PCNX2: variants seen among roughly 807,000 people sequenced by gnomAD.
PCNX2 encodes the protein pecanex 2, also known as pecanex-like protein 2.
A neutral mutation model predicts 223.8 loss-of-function variants in PCNX2; 168 were observed. The ratio of observed to expected loss-of-function variants is 0.75; its 90% confidence interval spans 0.66 to 0.85. The LOEUF (loss-of-function observed/expected upper bound fraction) is 0.85, where lower values mean the gene tolerates loss of function less well. PCNX2 is among the 40% of genes least tolerant of loss of function. PCNX2 has a pLI of 0.00. For synonymous variants in PCNX2, 1,006 were observed against 1,052.6 expected (o/e 0.96, Z 0.86); for missense variants, 2,507 against 2,675.5 (o/e 0.94, Z 1.39).
chr1:233,265,134 TG>T (rs1168364321), intron 1 of PCNX2, among the ~76,000 whole-genome samples: 1 of 151,842 alleles, frequency 6.6e-6, no homozygotes, highest in East Asian at 1.9e-4. Flanking sequence ...TCCTTGCTAC[TG>T]GGGAGGCTGA....
Position 233,023,832 on chromosome 1 carries a change from T to C in PCNX2, c.4605+1314A>G, listed in dbSNP as rs147174244. On this transcript the variant is annotated intron_variant, in intron 26 of 33. Transcript: ENST00000258229. ...CCACAGAAAAGGGTTTTGCAAACAT[T>C]TTGTGTAGCAATCACCTAGGGGATG... Among the ~76,000 whole-genome samples, 363 of 152,304 alleles carry C rather than the reference T, an allele frequency of 2.4e-3. 2 individuals are homozygous for C. The highest frequency in any genetic ancestry group is 6.8e-3 in the Middle Eastern group (2 of 294).
At position 233,054,278 on chromosome 1, in the gene PCNX2, C is replaced by T; in HGVS notation, c.4341G>A (p.Leu1447=). The change falls in exon 25 of 34, where the codon CTG becomes CTA. Residue 1447 remains leucine (L), a synonymous_variant. Coordinates refer to ENST00000258229, the MANE Select transcript of PCNX2 (RefSeq NM_014801.4). Reference sequence around the variant, plus strand: ...TGAAGAAATTCTTACCTCGGAATTCCAGTCCTCGAAGTTGAAAGGTGACAA... The same window carrying T: ...TGAAGAAATTCTTACCTCGGAATTCTAGTCCTCGAAGTTGAAAGGTGACAA... ...NGLVTFQLRG[L]EFRGTYCQQR... is the part of the protein sequence containing the mutation. The T allele has an allele frequency of 6.2e-7, 1 of 1,613,192 alleles. No individual in the cohort carries two copies. The highest frequency in any genetic ancestry group is 8.5e-7 in the Non-Finnish European group (1 of 1,179,462).
In PCNX2 at chr1:233,126,682, T is replaced by G. The variant is rs78350738; in HGVS notation, c.3837+8331A>C. On this transcript the variant is annotated intron_variant, in intron 21 of 33. Coordinates refer to ENST00000258229, the MANE Select transcript of PCNX2 (RefSeq NM_014801.4). This position sits in a 1 kb window ranked among gnomAD's most constrained non-coding sequence, Gnocchi z 4.8. ...CATTGCTTTTCTAATTTTATCATGA[T>G]AAGAATATATTTAGGTATTACTTAA... is the stretch of plus-strand genomic sequence containing the variant. 0.053 allele frequency among the ~76,000 whole-genome samples: 8,102 copies of G among 152,244 alleles called. 352 individuals carry two copies. Among genetic ancestry groups the G allele is most frequent in the African/African-American group, 0.13 (5,349 of 41,522 alleles).
At chr1:233,276,540 G>A (rs758271069) in intron 1 of PCNX2, among the ~76,000 whole-genome samples, 1 of 152,054 alleles carries the variant, frequency 6.6e-6, no homozygotes, top group Non-Finnish European at 1.5e-5. Flanking sequence ...TTTGGATTAC[G>A]CATGACATTT....
At chr1:233,276,444 T>A (rs561920894) in intron 1 of PCNX2, among the ~76,000 whole-genome samples, 275 of 152,344 alleles carry the variant, frequency 1.8e-3, no homozygotes, top group Non-Finnish European at 3.1e-3. Context: ...GTTGCTCAAC[T>A]GTACACTTAA....
intron 23 of PCNX2, among the ~76,000 whole-genome samples, chr1:233,077,657 C>G (rs185647171): frequency 8.3e-4 from 127 of 152,260 alleles, no homozygotes; most frequent in African/African-American, 3.0e-3. Flanking sequence ...GCTCCAACTA[C>G]GCAACCTCTA....
At chr1:233,127,679 T>C (rs1043320729) in intron 21 of PCNX2, among the ~76,000 whole-genome samples, 12 of 152,308 alleles carry the variant, frequency 7.9e-5, no homozygotes, top group Non-Finnish European at 1.5e-4. Context: ...TTTCTGGCAA[T>C]TCACTTAATT....
intron 23 of PCNX2, among the ~76,000 whole-genome samples, chr1:233,071,850 A>C (rs7535184): frequency 0.27 from 40,497 of 152,108 alleles, 7,020 homozygotes; most frequent in African/African-American, 0.49. Flanking sequence ...GACTAGTGTG[A>C]GATGGTACTT....
In PCNX2 at chr1:233,295,544, G is replaced by C. The variant is rs566603853; in HGVS notation, c.-66C>G. The C allele has an allele frequency of 6.9e-7, 1 of 1,445,082 alleles. No homozygotes were observed. The allele number at this position is 1,445,082 out of a possible 1,614,324, so 89.5% of individuals were successfully genotyped here. Reference sequence around the variant, plus strand: ...CTGCGCGCCCCGGCCGGATCTCCAGGCTCCCTCAGGTCTAACACCCGGGCC... The same window carrying C: ...CTGCGCGCCCCGGCCGGATCTCCAGCCTCCCTCAGGTCTAACACCCGGGCC... On this transcript the variant is annotated 5_prime_UTR_variant, in exon 1 of 34. Transcript: ENST00000258229. This position sits in a 1 kb window ranked among gnomAD's most constrained non-coding sequence, Gnocchi z 4.1.
At chr1:233,108,734 G>C (rs1057014448) in intron 21 of PCNX2, among the ~76,000 whole-genome samples, 1 of 152,176 alleles carries the variant, frequency 6.6e-6, no homozygotes, top group African/African-American at 2.4e-5. Flanking sequence ...TGGGAGGGAA[G>C]GGATTGTTTA....
At chr1:233,024,353 C>A (rs1290693582) in intron 26 of PCNX2, among the ~76,000 whole-genome samples, 1 of 152,206 alleles carries the variant, frequency 6.6e-6, no homozygotes, top group African/African-American at 2.4e-5. Context: ...TGGCCTCCGA[C>A]GGATGAGCTT....
At chr1:233,167,336 A>AAGAGAGAG (rs71821384) in intron 17 of PCNX2, among the ~76,000 whole-genome samples, 1 of 148,986 alleles carries the variant, frequency 6.7e-6, no homozygotes. Context: ...GTAGAATCTA[A>AAGAGAGAG]AGAGAGAGAG....
chr1:233,076,835 T>C (rs764590013), intron 23 of PCNX2, among the ~76,000 whole-genome samples: 27 of 152,202 alleles, frequency 1.8e-4, no homozygotes, highest in African/African-American at 6.3e-4. Context: ...GTAAAATAAT[T>C]TGGCTTGGAA....
At position 233,200,242 on chromosome 1, in the gene PCNX2, A is replaced by G. The variant is rs2102894527; in HGVS notation, c.2886T>C (p.Ala962=). 5 of 1,581,296 alleles carry G rather than the reference A, an allele frequency of 3.2e-6. No homozygotes were observed. The highest frequency in any genetic ancestry group is 4.3e-6 in the Non-Finnish European group (5 of 1,162,506). Residue 962 remains alanine, a synonymous_variant, in exon 14 of 34, where the codon GCT becomes GCC. Coordinates refer to ENST00000258229, the MANE Select transcript of PCNX2 (RefSeq NM_014801.4). ...GCGGGAAGAGCCCAAGGAGGGAAAT[A>G]GCAGGGAAGCAATATAAAAATACTG... The part of the protein sequence containing the change: ...YLIVFLYCFP[A]ISLLGLFPQI...
rs1661584899 is a variant in PCNX2 at position 233,288,767 on chromosome 1, T to C, written c.153+6559A>G. On this transcript the variant is annotated intron_variant, in intron 1 of 33. Coordinates refer to ENST00000258229, the MANE Select transcript of PCNX2 (RefSeq NM_014801.4). ...CCCAAATCTGGAGGGACTGAGTCTG[T>C]AGTTCTTTTGGAGGCCCAGGACCCA... is the stretch of plus-strand genomic sequence containing the variant. 17 of 634,488 alleles carry C rather than the reference T, an allele frequency of 2.7e-5. No homozygotes were observed. The East Asian group carries it at 4.4e-4, about 16-fold the overall frequency. 39.3% of individuals were successfully genotyped at this position (634,488 alleles called of 1,614,324 possible). A position where few individuals can be genotyped will look rare whatever the true frequency, so the allele number is the denominator to read the frequency against.
At chr1:233,086,506 A>C (rs910595322) in intron 23 of PCNX2, among the ~76,000 whole-genome samples, 1 of 151,830 alleles carries the variant, frequency 6.6e-6, no homozygotes, top group African/African-American at 2.4e-5. Context: ...AAATACAAAA[A>C]AAAAAGAAAA....
chr1:233,152,236 G>A (rs923344593), intron 19 of PCNX2, among the ~76,000 whole-genome samples: 1 of 152,204 alleles, frequency 6.6e-6, no homozygotes. Flanking sequence ...AACTCAGCTC[G>A]AAGTCACTTA....
intron 8 of PCNX2, among the ~76,000 whole-genome samples, chr1:233,249,102 A>G (rs1031728683): frequency 6.6e-6 from 1 of 152,208 alleles, no homozygotes; most frequent in Non-Finnish European, 1.5e-5. Flanking sequence ...TAATGAAAAC[A>G]CTATAGGTCC....
At chr1:233,241,046 T>C (rs1036229989) in intron 8 of PCNX2, 5 of 546,602 alleles carry the variant, frequency 9.1e-6, no homozygotes, top group Admixed American at 6.4e-5. Flanking sequence ...ACAAGGCGCA[T>C]AGAGGGACAC....
Sources: gnomAD v4.1 joint callset for allele counts (sites outside exome capture counted in the v4.1 genomes callset) on GRCh38, gnomAD v4.1.1 for gene constraint, Gnocchi (gnomAD v3.1) non-coding constraint, MANE v1.5 for transcripts, NCBI Gene and HGNC (gene_info 2026-07-23, HGNC 2026-07-21) for gene names.